Variants in TYRO3 observed in about 807,000 individuals in gnomAD.
The protein encoded by TYRO3 is tyrosine-protein kinase receptor TYRO3.
In TYRO3, 38 loss-of-function variants were observed where a neutral mutation model predicts 95.2. The observed-to-expected ratio is 0.40, with a 90% CI of 0.31 to 0.52. TYRO3 has a LOEUF of 0.52. Among genes scored for constraint, TYRO3 ranks in the 20% least tolerant of loss-of-function variants. TYRO3 has a pLI of 0.56. For synonymous variants in TYRO3, 367 were observed against 432.9 expected (o/e 0.85, Z 1.89); for missense variants, 812 against 1,116.4 (o/e 0.73, Z 3.89).
intron 14 of TYRO3, 72 bp from the exon 15 acceptor site, chr15:41,572,371 G>A (rs1319930284): frequency 1.2e-5 from 19 of 1,537,290 alleles, no homozygotes; most frequent in Non-Finnish European, 1.7e-5. Flanking sequence ...CCCAGCAGGT[G>A]GGGACTTATG....
At chr15:41,572,883 C>G in intron 15 of TYRO3, 119 bp from the exon 16 acceptor site, 1 of 836,536 alleles carries the variant, frequency 1.2e-6, no homozygotes, top group Non-Finnish European at 1.9e-6. Flanking sequence ...CCTCCATCCC[C>G]TTCCTTCCTT....
intron 4 of TYRO3, among the ~76,000 whole-genome samples, chr15:41,562,970 C>G (rs563316797): frequency 1.3e-4 from 20 of 152,250 alleles, no homozygotes; most frequent in Admixed American, 1.1e-3. Flanking sequence ...CACAGCAGTC[C>G]AGGCCATGCA....
At chr15:41,574,451 G>A (rs2140834380) in intron 18 of TYRO3, among the ~76,000 whole-genome samples, 1 of 152,262 alleles carries the variant, frequency 6.6e-6, no homozygotes, top group African/African-American at 2.4e-5. Context: ...ATTCTTTCAG[G>A]TAATCTTCCT....
At chr15:41,572,326 A>G in intron 14 of TYRO3, 117 bp from the exon 15 acceptor site, 2 of 1,439,478 alleles carry the variant, frequency 1.4e-6, no homozygotes, top group Non-Finnish European at 1.9e-6. Flanking sequence ...TGAAAAAATA[A>G]AAAATAAATA....
Position 41,568,943 on chromosome 15 carries a change from C to T in TYRO3, c.1173C>T (p.Ile391=), listed in dbSNP as rs749043399. 22 of 1,613,750 alleles carry T rather than the reference C, an allele frequency of 1.4e-5. No individual in the cohort carries two copies. The highest frequency in any genetic ancestry group is 6.7e-5 in the East Asian group (3 of 44,894). The stretch of plus-strand genomic sequence containing the variant: ...GCTGGGATCCCCAAAAGGACCTGAT[C>T]GTACGTGTGTGCGTCTCCAATGCAG... ...LTGWDPQKDL[I]VRVCVSNAVG... is the part of the protein sequence containing the mutation. The change falls in exon 9 of 19, where the codon ATC becomes ATT. Residue 391 remains isoleucine, a synonymous_variant. Coordinates refer to ENST00000263798, the MANE Select transcript of TYRO3 (RefSeq NM_006293.4).
rs1308550840 is a variant in TYRO3, at chr15:41,564,225, C to G, written c.622C>G (p.Leu208Val). Reference protein sequence around the residue: ...STMFSCEAHNLKGLASSRTAT... With the variant: ...STMFSCEAHNVKGLASSRTAT... ...CATGTTTTCCTGTGAAGCTCACAAC[C>G]TAAAAGGCCTGGCCTCTTCTCGCAC... Residue 208 changes from leucine (L) to valine (V), a missense_variant, in exon 5 of 19, where the codon CTA becomes GTA. Physicochemically the swap from Leu to Val is conservative, Grantham distance 32. Transcript: ENST00000263798. 2.8e-5 allele frequency: 46 copies of G among 1,614,154 alleles called. No homozygotes were observed. Among genetic ancestry groups the G allele is most frequent in the Non-Finnish European group, 3.8e-5 (45 of 1,180,026 alleles).
intron 6 of TYRO3, among the ~76,000 whole-genome samples, chr15:41,566,438 G>A (rs1010530870): frequency 6.6e-6 from 1 of 151,616 alleles, no homozygotes; most frequent in Non-Finnish European, 1.5e-5. Flanking sequence ...CATCCAGATG[G>A]CAAGGACCCC....
At chr15:41,575,745 T>C (rs752222800) in intron 18 of TYRO3, among the ~76,000 whole-genome samples, 30 of 152,192 alleles carry the variant, frequency 2.0e-4, no homozygotes, top group Non-Finnish European at 3.7e-4. Flanking sequence ...TTTTTCCACC[T>C]GAGCCTGAGG....
At position 41,578,309 on chromosome 15, in the gene TYRO3, C is replaced by T. The variant is rs367850513; in HGVS notation, c.*33C>T. ...GCAGAGGGCATCGGGGCCATTTGGC[C>T]GGCTCTGGTGGCCACTGAGCTGGCT... On this transcript the variant is annotated 3_prime_UTR_variant, in exon 19 of 19. Coordinates refer to ENST00000263798, the MANE Select transcript of TYRO3 (RefSeq NM_006293.4). The T allele has an allele frequency of 1.5e-3, 2,357 of 1,611,732 alleles. 4 individuals carry two copies. The highest frequency in any genetic ancestry group is 2.0e-3 in the South Asian group (184 of 90,744).
chr15:41,580,598 A>G lies in TYRO3; in HGVS notation c.*2322A>G, dbSNP rs1455228806. The G allele has an allele frequency of 6.6e-6, 1 of 151,874 alleles. No individual in the cohort carries two copies. Among genetic ancestry groups the G allele is most frequent in the Non-Finnish European group, 1.5e-5 (1 of 67,986 alleles). 9.4% of individuals were successfully genotyped at this position (151,874 alleles called of 1,614,324 possible). On this transcript the variant is annotated 3_prime_UTR_variant, in exon 19 of 19. Transcript: ENST00000263798. ...ATCACCATTGATCTTTTGAAAATGC[A>G]AATATTCAGCTGGGCACAGTGGCGT...
chr15:41,567,329 C>A, intron 6 of TYRO3, 31 bp from the exon 7 acceptor site: 1 of 1,485,388 alleles, frequency 6.7e-7, no homozygotes, highest in African/African-American at 1.5e-5. Context: ...CAGGCTCTCC[C>A]CTACATCATT....
chr15:41,567,238 C>T (rs1050727560), intron 6 of TYRO3, 122 bp from the exon 7 acceptor site: 29 of 761,374 alleles, frequency 3.8e-5, no homozygotes, highest in Middle Eastern at 4.2e-4. Flanking sequence ...GATGGGAGGG[C>T]GTGGGTTGCA....
rs1555397469 is a variant in TYRO3, at chr15:41,582,997, G to GTTTTGTTTTTTT, written c.*4725_*4726insGTTTTTTTTTTT. 2.1e-4 allele frequency: 22 copies of GTTTTGTTTTTTT among 106,146 alleles called. No individual in the cohort carries two copies. The highest frequency in any genetic ancestry group is 7.9e-4 in the African/African-American group (22 of 27,978). The allele number at this position is 106,146 out of a possible 1,614,324, so 6.6% of individuals were successfully genotyped here. A position where few individuals can be genotyped will look rare whatever the true frequency, so the allele number is the denominator to read the frequency against. ...CACTGCACCTGGCAAATTTTTAAGT[G>GTTTTGTTTTTTT]TTTTTTTTTTTTTTTAATACAGAGC... On this transcript the variant is annotated 3_prime_UTR_variant, in exon 19 of 19. Coordinates refer to ENST00000263798, the MANE Select transcript of TYRO3 (RefSeq NM_006293.4).
rs1448147136 is a variant in TYRO3, at chr15:41,582,026, C to CA, written c.*3752dup. ...CAGAAGCAACCCTTGGGACCTGCCT[C>CA]AATCTCTGCCTCCTCCCTACTCCCC... On this transcript the variant is annotated 3_prime_UTR_variant, in exon 19 of 19. Transcript: ENST00000263798. 1 of 152,264 alleles carries CA rather than the reference C, an allele frequency of 6.6e-6. No homozygotes were observed. The highest frequency in any genetic ancestry group is 1.5e-5 in the Non-Finnish European group (1 of 68,096). 9.4% of individuals were successfully genotyped at this position (152,264 alleles called of 1,614,324 possible).
At chr15:41,567,315 C>T in intron 6 of TYRO3, 45 bp from the exon 7 acceptor site, 2 of 1,424,350 alleles carry the variant, frequency 1.4e-6, no homozygotes, top group South Asian at 3.3e-5. Context: ...TCTTCCATCT[C>T]TCACAGGCTC....
chr15:41,577,833 C>G, intron 18 of TYRO3, 53 bp from the exon 19 acceptor site: 6 of 1,439,106 alleles, frequency 4.2e-6, no homozygotes, highest in South Asian at 1.3e-5. Context: ...TGAAGGGGCC[C>G]CTGCTTTTGA....
chr15:41,575,341 A>C (rs550800020), intron 18 of TYRO3, among the ~76,000 whole-genome samples: 2 of 152,232 alleles, frequency 1.3e-5, no homozygotes, highest in Non-Finnish European at 2.9e-5. Context: ...AGCCTGCTTC[A>C]GTTCTAATCT....
rs928198030 is a variant in TYRO3, at chr15:41,581,908, A to G, written c.*3632A>G. 1 of 150,134 alleles carries G rather than the reference A, an allele frequency of 6.7e-6. No homozygotes were observed. The highest frequency in any genetic ancestry group is 2.5e-5 in the African/African-American group (1 of 40,800). The allele number at this position is 150,134 out of a possible 1,614,324, so 9.3% of individuals were successfully genotyped here. A position where few individuals can be genotyped will look rare whatever the true frequency, so the allele number is the denominator to read the frequency against. ...GCGCTTTGGGATTTTCTGTCTCAAAAAAAAAAAGAGAGAGACTCTGGATCA... is the reference window on the plus strand; with the variant it reads ...GCGCTTTGGGATTTTCTGTCTCAAAGAAAAAAAGAGAGAGACTCTGGATCA... On this transcript the variant is annotated 3_prime_UTR_variant, in exon 19 of 19. Transcript: ENST00000263798.
chr15:41,570,922 C>T lies in TYRO3; in HGVS notation c.1580-116C>T, dbSNP rs2055787554. On this transcript the variant is annotated intron_variant, in intron 12 of 18. Coordinates refer to ENST00000263798, the MANE Select transcript of TYRO3 (RefSeq NM_006293.4). The stretch of plus-strand genomic sequence containing the variant: ...TTGCTTTGGCTACTGGCAAGGGTGC[C>T]TTCTCCACTGGCCCCAGAGTCTGCT... The T allele has an allele frequency of 5.0e-6, 6 of 1,201,688 alleles. 1 individual carries two copies. In the South Asian group the frequency reaches 8.0e-5, roughly 16 times the overall value. The allele number at this position is 1,201,688 out of a possible 1,614,324, so 74.4% of individuals were successfully genotyped here.
Sources: gnomAD v4.1 joint callset for allele counts (sites outside exome capture counted in the v4.1 genomes callset) on GRCh38, gnomAD v4.1.1 for gene constraint, MANE v1.5 for transcripts, NCBI Gene and HGNC (gene_info 2026-07-23, HGNC 2026-07-21) for gene names.